Variants in OTUD7A observed in about 807,000 individuals in gnomAD.
OTUD7A encodes OTU deubiquitinase 7A.
A neutral mutation model predicts 65.7 loss-of-function variants in OTUD7A; 12 were observed. The observed-to-expected ratio is 0.18, with a 90% confidence interval of 0.12 to 0.30. The LOEUF (loss-of-function observed/expected upper bound fraction) is 0.30, where lower values mean the gene tolerates loss of function less well. Ranked by LOEUF, OTUD7A falls within the 10% of genes least tolerant of loss-of-function variation. The pLI is 1.00. For synonymous variants in OTUD7A, 641 were observed against 586.3 expected (o/e 1.09, Z -1.35); for missense variants, 1,148 against 1,304.8 (o/e 0.88, Z 1.85).
chr15:31,635,366 C>T (rs1241579976), intron 3 of OTUD7A, among the ~76,000 whole-genome samples: 24 of 152,314 alleles, frequency 1.6e-4, no homozygotes, highest in South Asian at 2.1e-4. Context: ...GATCAAGAAA[C>T]TTGTTGAAGA....
At chr15:31,796,885 C>A (rs1232912371) in intron 1 of OTUD7A, among the ~76,000 whole-genome samples, 8 of 152,198 alleles carry the variant, frequency 5.3e-5, no homozygotes, top group Non-Finnish European at 1.2e-4. Flanking sequence ...CAGGCATGCA[C>A]CACCATACCC....
chr15:31,785,056 C>A (rs2140930669), intron 1 of OTUD7A, among the ~76,000 whole-genome samples: 1 of 152,232 alleles, frequency 6.6e-6, no homozygotes, highest in African/African-American at 2.4e-5. Flanking sequence ...GTAAATCCTG[C>A]AAGTACATAC....
At chr15:31,803,233 C>T (rs1223021279) in intron 1 of OTUD7A, among the ~76,000 whole-genome samples, 6 of 152,182 alleles carry the variant, frequency 3.9e-5, no homozygotes, top group Admixed American at 1.3e-4. Context: ...TTCACATTTC[C>T]AGGACACATT....
chr15:31,730,516 G>A (rs1894010187), intron 1 of OTUD7A, among the ~76,000 whole-genome samples: 1 of 152,174 alleles, frequency 6.6e-6, no homozygotes, highest in African/African-American at 2.4e-5. Flanking sequence ...CTTCTGGCCA[G>A]CCTCTCAATT....
chr15:31,811,425 G>A (rs1251635109), intron 1 of OTUD7A, among the ~76,000 whole-genome samples: 8 of 151,836 alleles, frequency 5.3e-5, no homozygotes, highest in Non-Finnish European at 1.0e-4. Context: ...CTGTGTGTGT[G>A]GTATGTGTGA....
At chr15:31,660,699 A>G (rs1413607435) in intron 1 of OTUD7A, among the ~76,000 whole-genome samples, 1 of 152,254 alleles carries the variant, frequency 6.6e-6, no homozygotes, top group Non-Finnish European at 1.5e-5. Flanking sequence ...AGGAATAAGA[A>G]GAGAAGTTTG....
chr15:31,771,013 G>A (rs1041898473), intron 1 of OTUD7A, among the ~76,000 whole-genome samples: 10 of 152,186 alleles, frequency 6.6e-5, no homozygotes, highest in African/African-American at 1.2e-4. Flanking sequence ...GATTCCCTGC[G>A]CTTGCCCCTC....
At chr15:31,615,920 A>G (rs1016182924) in intron 3 of OTUD7A, among the ~76,000 whole-genome samples, 1 of 152,196 alleles carries the variant, frequency 6.6e-6, no homozygotes, top group Non-Finnish European at 1.5e-5. Flanking sequence ...TCTGTCAGGC[A>G]CTGCTCTGAG....
At chr15:31,542,888 T>G (rs1026347268) in intron 5 of OTUD7A, among the ~76,000 whole-genome samples, 1 of 150,582 alleles carries the variant, frequency 6.6e-6, no homozygotes, top group Non-Finnish European at 1.5e-5. Flanking sequence ...ACTAGACCCA[T>G]GAAAAGTGTT....
chr15:31,725,328 A>G (rs1209868061), intron 1 of OTUD7A, among the ~76,000 whole-genome samples: 3 of 152,062 alleles, frequency 2.0e-5, no homozygotes, highest in Admixed American at 6.5e-5. Flanking sequence ...CAGTTATTCC[A>G]TTCCTGTTCT....
chr15:31,514,185 C>G (rs945743875), intron 8 of OTUD7A, among the ~76,000 whole-genome samples: 1 of 151,870 alleles, frequency 6.6e-6, no homozygotes, highest in African/African-American at 2.4e-5. Flanking sequence ...TCCCAAGTAG[C>G]TGGGACCACA....
intron 5 of OTUD7A, among the ~76,000 whole-genome samples, chr15:31,541,143 C>T (rs1887975496): frequency 6.6e-6 from 1 of 152,210 alleles, no homozygotes; most frequent in Admixed American, 6.5e-5. Flanking sequence ...CATCTAAATA[C>T]AGCATGTTAA....
At position 31,482,100 on chromosome 15, in the gene OTUD7A, G is replaced by C. The variant is rs150408741; in HGVS notation, c.*1194C>G. The C allele has an allele frequency of 6.6e-6, 1 of 152,346 alleles. No homozygotes were observed. Among genetic ancestry groups the C allele is most frequent in the Non-Finnish European group, 1.5e-5 (1 of 68,026 alleles). The allele number at this position is 152,346 out of a possible 1,614,324, so 9.4% of individuals were successfully genotyped here. Reference sequence around the variant, plus strand: ...GCATATTGCTGCTCAAAACAGGGTAGCTAAGGACACATTTTTTTTTTCCTC... The same window carrying C: ...GCATATTGCTGCTCAAAACAGGGTACCTAAGGACACATTTTTTTTTTCCTC... On this transcript the variant is annotated 3_prime_UTR_variant, in exon 13 of 13. Transcript: ENST00000307050.
chr15:31,571,757 A>G (rs3903373), intron 3 of OTUD7A, among the ~76,000 whole-genome samples: 91,394 of 152,090 alleles, frequency 0.6, 29,691 homozygotes, highest in East Asian at 0.91. Flanking sequence ...GCTAGTAAGC[A>G]ACGGAGCTGA....
intron 1 of OTUD7A, among the ~76,000 whole-genome samples, chr15:31,723,928 C>T (rs1291286595): frequency 2.8e-5 from 3 of 108,376 alleles, no homozygotes; most frequent in Non-Finnish European, 5.5e-5. Flanking sequence ...CACACCCTCG[C>T]CAAGACTGGA....
intron 5 of OTUD7A, among the ~76,000 whole-genome samples, chr15:31,554,609 G>A (rs979051905): frequency 3.3e-5 from 5 of 152,112 alleles, no homozygotes; most frequent in Admixed American, 6.5e-5. Flanking sequence ...TTCAACATGC[G>A]TTTCCATCTC....
At chr15:31,852,012 C>T (rs530273867) in intron 1 of OTUD7A, among the ~76,000 whole-genome samples, 9 of 152,190 alleles carry the variant, frequency 5.9e-5, no homozygotes, top group Non-Finnish European at 1.0e-4. Flanking sequence ...GCGCGCACCA[C>T]CATGCCCAGC....
intron 8 of OTUD7A, among the ~76,000 whole-genome samples, chr15:31,509,933 G>T (rs1331857904): frequency 5.0e-5 from 7 of 139,988 alleles, no homozygotes; most frequent in South Asian, 2.3e-4. Context: ...TTTCTTATTT[G>T]CACTTTATTT....
At chr15:31,508,942 C>T (rs2041628605) in intron 8 of OTUD7A, among the ~76,000 whole-genome samples, 1 of 152,208 alleles carries the variant, frequency 6.6e-6, no homozygotes, top group Non-Finnish European at 1.5e-5. Flanking sequence ...GTGACTTATT[C>T]GGCCGCCCTC....
Sources: allele counts gnomAD v4.1 joint callset (sites outside exome capture counted in the v4.1 genomes callset), GRCh38; gene constraint gnomAD v4.1.1; transcripts MANE v1.5; gene names NCBI Gene and HGNC (gene_info 2026-07-23, HGNC 2026-07-21).